The following RBM4B variants were observed in gnomAD, a reference collection of about 807,000 sequenced individuals.
The protein encoded by RBM4B is RNA-binding protein 4B.
Under a neutral mutation model 28.5 loss-of-function variants are expected in RBM4B, and 13 were observed. The ratio of observed to expected loss-of-function variants is 0.46; its 90% CI spans 0.30 to 0.72. The LOEUF is 0.72. Among genes scored for constraint, RBM4B ranks in the 30% least tolerant of loss-of-function variants. The probability of loss-of-function intolerance (pLI) is 0.09; values close to 1 mark genes in which losing one functional copy is unlikely to be tolerated. For synonymous variants in RBM4B, 167 were observed against 179.1 expected, an observed-to-expected ratio of 0.93 and a Z score of 0.54; for missense variants, 387 against 477.6, an observed-to-expected ratio of 0.81 and a Z score of 1.77.
intron 2 of RBM4B, among the ~76,000 whole-genome samples, chr11:66,671,993 C>A (rs1225852451): frequency 6.6e-6 from 1 of 152,080 alleles, no homozygotes; most frequent in Non-Finnish European, 1.5e-5. Flanking sequence ...GTGATCCACC[C>A]GCCTCAGCCC....
At chr11:66,668,570 A>C in intron 3 of RBM4B, 45 bp downstream of exon 3, 2 of 1,486,704 alleles carry the variant, frequency 1.3e-6, no homozygotes, top group Non-Finnish European at 1.8e-6. Context: ...GTCTCTTTCA[A>C]GGGAACTAAA....
Position 66,671,833 on chromosome 11 carries a change from C to T in RBM4B, c.413-2542G>A, listed in dbSNP as rs369495626. ...TCGGCTCACTGCAACCTCCACCTCG[C>T]GGGTTCAAGCAATTCCCTGCCTCAG... On this transcript the variant is annotated intron_variant, in intron 2 of 3. Transcript: ENST00000310046. 1.7e-3 allele frequency among the ~76,000 whole-genome samples: 258 copies of T among 152,186 alleles called. 9 individuals are homozygous for T. The South Asian group carries it at 0.049, about 29-fold the overall frequency.
At chr11:66,669,590 G>T (rs1240580933) in intron 2 of RBM4B, among the ~76,000 whole-genome samples, 1 of 152,154 alleles carries the variant, frequency 6.6e-6, no homozygotes, top group Non-Finnish European at 1.5e-5. Flanking sequence ...GGGATTACAG[G>T]CATGCGCTGC....
Position 66,668,787 on chromosome 11 carries a change from A to G in RBM4B, c.917T>C (p.Leu306Pro). The change falls in exon 3 of 4, where the codon CTG (leucine) becomes CCG (proline). Residue 306 changes from leucine (L) to proline (P), a missense_variant. By Grantham distance (98) the Leu-to-Pro change is moderately conservative. This residue lies in a region of RBM4B where 226 missense variants were observed against 220.6 expected (regional missense o/e 1.02). Coordinates refer to ENST00000310046, the MANE Select transcript of RBM4B (RefSeq NM_031492.4). ...SSYYGRDRSP[L>P]RRAAAMLPTV... ...GGGGAGCATGGCTGCAGCACGACGCAGTGGGCTCCTGTCCCTTCCATAGTA... is the reference window on the plus strand; with the variant it reads ...GGGGAGCATGGCTGCAGCACGACGCGGTGGGCTCCTGTCCCTTCCATAGTA... 6.2e-7 allele frequency: 1 copy of G among 1,614,228 alleles called. No individual in the cohort carries two copies. Among genetic ancestry groups the G allele is most frequent in the African/African-American group, 1.3e-5 (1 of 75,052 alleles).
Position 66,668,981 on chromosome 11 carries a change from G to C in RBM4B, c.723C>G (p.Tyr241Ter). 2 of 1,614,206 alleles carry C rather than the reference G, an allele frequency of 1.2e-6. No individual in the cohort carries two copies. Among genetic ancestry groups the C allele is most frequent in the Non-Finnish European group, 1.7e-6 (2 of 1,180,016 alleles). Reference sequence around the variant, plus strand: ...GGGACATGGTCTGCTCTGCGTAGTTGTATGCAGAAGCCGCTGCCGCCGCTG... The same window carrying C: ...GGGACATGGTCTGCTCTGCGTAGTTCTATGCAGAAGCCGCTGCCGCCGCTG... ...AVAAAAAASA[Y>*]NYAEQTMSHL... Residue 241 changes from tyrosine (Y) to a stop codon, truncating the protein, a stop_gained, in exon 3 of 4, where the codon TAC becomes TAG. Coordinates refer to ENST00000310046, the MANE Select transcript of RBM4B (RefSeq NM_031492.4). LOFTEE classifies it high-confidence loss of function.
chr11:66,668,377 C>G (rs1939324461), intron 3 of RBM4B: 2 of 470,612 alleles, frequency 4.2e-6, no homozygotes, highest in Non-Finnish European at 7.6e-6. Context: ...TTCTCACTAA[C>G]AAACTGAATT....
Position 66,665,555 on chromosome 11 carries a change from G to A in RBM4B, c.*33C>T. 1 of 1,528,196 alleles carries A rather than the reference G, an allele frequency of 6.5e-7. No individual in the cohort carries two copies. Among genetic ancestry groups the A allele is most frequent in the Non-Finnish European group, 8.8e-7 (1 of 1,139,662 alleles). 94.7% of individuals were successfully genotyped at this position (1,528,196 alleles called of 1,614,324 possible). On this transcript the variant is annotated 3_prime_UTR_variant, in exon 4 of 4. Coordinates refer to ENST00000310046, the MANE Select transcript of RBM4B (RefSeq NM_031492.4). ...GTTCTCATATATGACCGCAGCCCGA[G>A]GGTTCAGTCCGCAATTATCCTACCT...
At chr11:66,670,502 C>A (rs1939426007) in intron 2 of RBM4B, among the ~76,000 whole-genome samples, 1 of 152,118 alleles carries the variant, frequency 6.6e-6, no homozygotes, top group Admixed American at 6.5e-5. Context: ...CACTGAGGAA[C>A]AGCTAAGAGA....
intron 2 of RBM4B, chr11:66,671,044 A>AG: frequency 1.4e-6 from 1 of 702,368 alleles, no homozygotes; most frequent in Non-Finnish European, 2.6e-6. Context: ...TGACCCTGAG[A>AG]GGGGAGCGGG....
chr11:66,665,643 A>G, intron 3 of RBM4B, 65 bp from the exon 4 acceptor site: 1 of 1,535,134 alleles, frequency 6.5e-7, no homozygotes, highest in Non-Finnish European at 8.7e-7. Context: ...TCCGCGTACA[A>G]GCGCCCTGGG....
chr11:66,671,196 T>G, intron 2 of RBM4B, among the ~76,000 whole-genome samples: 1 of 152,292 alleles, frequency 6.6e-6, no homozygotes, highest in South Asian at 2.1e-4. Flanking sequence ...CTATCACCAA[T>G]AGAGTCAGCA....
intron 2 of RBM4B, among the ~76,000 whole-genome samples, chr11:66,672,535 G>A (rs1197403980): frequency 7.1e-6 from 1 of 141,740 alleles, no homozygotes; most frequent in Non-Finnish European, 1.5e-5. Context: ...TTGCTCTGTC[G>A]CCCAGGCTGG....
chr11:66,672,927 A>G (rs1939516562), intron 2 of RBM4B, among the ~76,000 whole-genome samples: 1 of 152,242 alleles, frequency 6.6e-6, no homozygotes, highest in African/African-American at 2.4e-5. Flanking sequence ...CTACACTTGG[A>G]CAAAGTAGGC....
chr11:66,665,881 C>T, intron 3 of RBM4B: 1 of 1,534,886 alleles, frequency 6.5e-7, no homozygotes, highest in Middle Eastern at 1.7e-4. Context: ...TGACAGAAGG[C>T]TACTGTTGCT....
intron 2 of RBM4B, among the ~76,000 whole-genome samples, chr11:66,672,164 T>C (rs139885029): frequency 9.2e-4 from 139 of 151,800 alleles, no homozygotes; most frequent in African/African-American, 3.0e-3. Flanking sequence ...CCCAGCACTT[T>C]GGGAGGCTGA....
chr11:66,671,012 C>T, intron 2 of RBM4B: 1 of 702,630 alleles, frequency 1.4e-6, no homozygotes, highest in Non-Finnish European at 2.6e-6. Flanking sequence ...TTGAGGACGG[C>T]AGCCAGAACA....
At position 66,673,413 on chromosome 11, in the gene RBM4B, C is replaced by T. The variant is rs146392008; in HGVS notation, c.412+3255G>A. On this transcript the variant is annotated intron_variant, in intron 2 of 3. Transcript: ENST00000310046. ...CAATGCAAAAAGCCTCAATGGCAGC[C>T]ATTAACATATAGAAATAAAGGTTCA... Among the ~76,000 whole-genome samples, 325 of 152,286 alleles carry T rather than the reference C, an allele frequency of 2.1e-3. 2 individuals carry two copies. The highest frequency in any genetic ancestry group is 7.3e-3 in the African/African-American group (304 of 41,558).
At chr11:66,665,714 T>C (rs1939203901) in intron 3 of RBM4B, 136 bp from the exon 4 acceptor site, 2 of 1,430,506 alleles carry the variant, frequency 1.4e-6, no homozygotes, top group African/African-American at 2.8e-5. Flanking sequence ...AGACTGGATC[T>C]AACTCATATC....
intron 2 of RBM4B, among the ~76,000 whole-genome samples, chr11:66,673,184 A>G (rs642422): frequency 4.7e-4 from 67 of 141,948 alleles, no homozygotes; most frequent in African/African-American, 1.2e-3. Context: ...ACATATAGGG[A>G]AAAAAAAAAA....
Sources: allele counts gnomAD v4.1 joint callset (sites outside exome capture counted in the v4.1 genomes callset), GRCh38; gene constraint gnomAD v4.1.1; regional missense constraint gnomAD v4.1.1; transcripts MANE v1.5; gene names NCBI Gene and HGNC (gene_info 2026-07-23, HGNC 2026-07-21).